The following SETX variants were observed in gnomAD, a reference collection of about 807,000 sequenced individuals.
The protein encoded by SETX is helicase senataxin.
In SETX, 90 loss-of-function variants were observed where a neutral mutation model predicts 227.2. That is an observed-to-expected ratio of 0.40 (90% CI 0.33 to 0.47). SETX has a LOEUF of 0.47. Among genes scored for constraint, SETX ranks in the 20% least tolerant of loss-of-function variants. The pLI is 0.91. For missense variants in SETX, 3,052 were observed against 3,181.5 expected (o/e 0.96, Z 0.98); for synonymous variants, 1,210 against 1,113.2 (o/e 1.09, Z -1.73).
intron 15 of SETX, among the ~76,000 whole-genome samples, chr9:132,293,010 C>A (rs1844435224): frequency 6.6e-6 from 1 of 152,174 alleles, no homozygotes; most frequent in African/African-American, 2.4e-5. Flanking sequence ...AAATTACAGG[C>A]TGGCCTCATT....
At position 132,330,129 on chromosome 9, in the gene SETX, A is replaced by C; in HGVS notation, c.1469T>G (p.Val490Gly). The change falls in exon 10 of 26, where the codon GTC becomes GGC. Residue 490 changes from valine to glycine, a missense_variant. Around this residue, in one of 10 missense-constraint regions of SETX, gnomAD observed 179 missense variants for 197.1 expected, o/e 0.91. Coordinates refer to ENST00000224140, the MANE Select transcript of SETX (RefSeq NM_015046.7). ...VSSQQWVEAV[V>G]KCAKLPTTAF... ...AGTGGTAGGAAGCTTGGCACATTTG[A>C]CGACGGCTTCCACCCATTGCTGGGA... 1.9e-6 allele frequency: 3 copies of C among 1,612,878 alleles called. No individual in the cohort carries two copies. Among genetic ancestry groups the C allele is most frequent in the Non-Finnish European group, 2.5e-6 (3 of 1,178,942 alleles).
rs939566666 is a variant in SETX at position 132,315,770 on chromosome 9, C to G, written c.5275-3914G>C. On this transcript the variant is annotated intron_variant, in intron 10 of 25. Coordinates refer to ENST00000224140, the MANE Select transcript of SETX (RefSeq NM_015046.7). ...CTTACCCATCTCAGGTAGAGCTAATCCAAATCTCCGGTTCGTGATGCAGTG... is the reference window on the plus strand; with the variant it reads ...CTTACCCATCTCAGGTAGAGCTAATGCAAATCTCCGGTTCGTGATGCAGTG... 2.6e-5 allele frequency among the ~76,000 whole-genome samples: 4 copies of G among 152,314 alleles called. No homozygotes were observed. In the South Asian group the frequency reaches 8.3e-4, roughly 32 times the overall value.
chr9:132,330,102 G>A lies in SETX; in HGVS notation c.1496C>T (p.Ala499Val), dbSNP rs1042089056. ...VVKCAKLPTT[A>V]FTRSSEKSSG... ...TGATTTCTCAGAACTCCGTGTAAAC[G>A]CAGTGGTAGGAAGCTTGGCACATTT... The change falls in exon 10 of 26, where the codon GCG becomes GTG. Residue 499 changes from alanine to valine, a missense_variant. By Grantham distance (64) the Ala-to-Val change is moderately conservative. Coordinates refer to ENST00000224140, the MANE Select transcript of SETX (RefSeq NM_015046.7). 3.1e-6 allele frequency: 5 copies of A among 1,614,116 alleles called. No individual in the cohort carries two copies. Among genetic ancestry groups the A allele is most frequent in the South Asian group, 1.1e-5 (1 of 91,086 alleles).
intron 7 of SETX, among the ~76,000 whole-genome samples, chr9:132,334,161 C>T (rs1295102769): frequency 2.0e-5 from 3 of 152,116 alleles, no homozygotes; most frequent in African/African-American, 7.2e-5. Flanking sequence ...TTATAAAGGT[C>T]CTTTCTGATT....
chr9:132,271,601 AT>A, intron 24 of SETX, 108 bp downstream of exon 24: 1 of 955,734 alleles, frequency 1.0e-6, no homozygotes, highest in Non-Finnish European at 1.7e-6. Flanking sequence ...ACAAAAGAAA[AT>A]TAAAAAAGCA....
At chr9:132,331,529 T>TATC in intron 7 of SETX, 81 bp from the exon 8 acceptor site, 3 of 1,472,210 alleles carry the variant, frequency 2.0e-6, no homozygotes, top group Non-Finnish European at 2.8e-6. Context: ...AAGCATATTC[T>TATC]TTATCTGGTG....
chr9:132,298,166 G>C lies in SETX; in HGVS notation c.5695C>G (p.Arg1899Gly). The stretch of plus-strand genomic sequence containing the variant: ...AGAACAGCTCTAGCCAGTTGGTTCC[G>C]ACTACCCAACAGAGACATGGCTTTC... Reference protein sequence around the residue: ...KLKAMSLLGSRNQLARAVLNP... With the variant: ...KLKAMSLLGSGNQLARAVLNP... Residue 1899 changes from arginine to glycine, a missense_variant, in exon 13 of 26, where the codon CGG becomes GGG. Arg to Gly is a moderately radical substitution (Grantham distance 125). This residue lies in a region of SETX where 239 missense variants were observed against 272.1 expected (regional missense o/e 0.88). Coordinates refer to ENST00000224140, the MANE Select transcript of SETX (RefSeq NM_015046.7). The C allele has an allele frequency of 6.2e-7, 1 of 1,614,004 alleles. No individual in the cohort carries two copies. Among genetic ancestry groups the C allele is most frequent in the Non-Finnish European group, 8.5e-7 (1 of 1,179,976 alleles).
intron 1 of SETX, among the ~76,000 whole-genome samples, chr9:132,354,411 G>A (rs780150691): frequency 1.8e-4 from 27 of 150,646 alleles, no homozygotes; most frequent in Non-Finnish European, 3.8e-4. Flanking sequence ...CGGAAGGATC[G>A]CTGGAGCCCA....
At chr9:132,336,856 G>A (rs1229731017) in intron 5 of SETX, among the ~76,000 whole-genome samples, 1 of 152,096 alleles carries the variant, frequency 6.6e-6, no homozygotes. Context: ...CTGAGGTCAG[G>A]AGTTCAAGAC....
At chr9:132,341,405 G>T (rs1847953027) in intron 5 of SETX, among the ~76,000 whole-genome samples, 2 of 152,066 alleles carry the variant, frequency 1.3e-5, no homozygotes, top group Admixed American at 1.3e-4. Context: ...CAGGGATTTG[G>T]TTTGCAAGCT....
chr9:132,267,185 A>G (rs1338758838), intron 25 of SETX, among the ~76,000 whole-genome samples: 3 of 152,242 alleles, frequency 2.0e-5, no homozygotes, highest in Admixed American at 1.3e-4. Context: ...CTGACTTCAC[A>G]GTAGTTTTTC....
intron 10 of SETX, among the ~76,000 whole-genome samples, chr9:132,313,269 G>C (rs925890043): frequency 1.5e-4 from 23 of 152,040 alleles, no homozygotes; most frequent in Non-Finnish European, 7.4e-5. Flanking sequence ...ATGCATCCTA[G>C]TGTGTACAAC....
At chr9:132,283,208 C>T in intron 19 of SETX, 56 bp downstream of exon 19, 1 of 1,605,170 alleles carries the variant, frequency 6.2e-7, no homozygotes, top group East Asian at 2.2e-5. Context: ...CACAATTCAT[C>T]TAAGACTTAC....
chr9:132,266,508 ATGCCTG>A (rs1359751942), intron 25 of SETX, among the ~76,000 whole-genome samples: 2 of 152,228 alleles, frequency 1.3e-5, no homozygotes, highest in Admixed American at 1.3e-4. Flanking sequence ...GCAGTGGCTC[ATGCCTG>A]TAATCCTAAC....
In SETX at chr9:132,328,104, G is replaced by C; in HGVS notation, c.3494C>G (p.Ser1165Cys). 1 of 1,613,994 alleles carries C rather than the reference G, an allele frequency of 6.2e-7. No homozygotes were observed. The highest frequency in any genetic ancestry group is 1.6e-4 in the Middle Eastern group (1 of 6,062). Reference sequence around the variant, plus strand: ...AGGATCTTCAGCCATTGGTTTTTCAGATCGTTTTCTCTTAGGCTTTTTTAC... The same window carrying C: ...AGGATCTTCAGCCATTGGTTTTTCACATCGTTTTCTCTTAGGCTTTTTTAC... Reference protein sequence around the residue: ...IEVKKPKRKRSEKPMAEDPVR... With the variant: ...IEVKKPKRKRCEKPMAEDPVR... The change falls in exon 10 of 26, where the codon TCT (serine) becomes TGT (cysteine). Residue 1165 changes from serine (S) to cysteine (C), a missense_variant. Physicochemically the swap from Ser to Cys is moderately radical, Grantham distance 112 (BLOSUM62 -1). Transcript: ENST00000224140.
At chr9:132,299,072 T>C (rs1258539306) in intron 12 of SETX, among the ~76,000 whole-genome samples, 1 of 152,206 alleles carries the variant, frequency 6.6e-6, no homozygotes, top group Non-Finnish European at 1.5e-5. Context: ...GAGGCACTAG[T>C]AGACGTGGGA....
rs1305696030 is a variant in SETX at position 132,319,146 on chromosome 9, C to A, written c.5274+7178G>T. Among the ~76,000 whole-genome samples the A allele has an allele frequency of 2.6e-5, 4 of 152,288 alleles. No homozygotes were observed. The South Asian group carries it at 6.2e-4, about 24-fold the overall frequency. ...TCCCTTCTTAACTCCCACATCAGTT[C>A]TATCACCAAGTCTTCTAAGTACTCT... On this transcript the variant is annotated intron_variant, in intron 10 of 25. Coordinates refer to ENST00000224140, the MANE Select transcript of SETX (RefSeq NM_015046.7).
At chr9:132,345,735 A>G (rs943217188) in intron 4 of SETX, among the ~76,000 whole-genome samples, 1 of 152,186 alleles carries the variant, frequency 6.6e-6, no homozygotes, top group Non-Finnish European at 1.5e-5. Flanking sequence ...AAATGTTGAG[A>G]GCCAGGCATA....
At chr9:132,310,020 A>G in intron 11 of SETX, among the ~76,000 whole-genome samples, 1 of 152,218 alleles carries the variant, frequency 6.6e-6, no homozygotes, top group Non-Finnish European at 1.5e-5. Flanking sequence ...TCAGTATGTA[A>G]GTCAAAGTGA....
Sources: gnomAD v4.1 joint callset for allele counts (sites outside exome capture counted in the v4.1 genomes callset) on GRCh38, gnomAD v4.1.1 for gene constraint, gnomAD v4.1.1 regional missense constraint, MANE v1.5 for transcripts, NCBI Gene and HGNC (gene_info 2026-07-23, HGNC 2026-07-21) for gene names.